The following KLHL5 variants were observed in gnomAD, a reference collection of about 807,000 sequenced individuals.
The protein encoded by KLHL5 is kelch like family member 5, also known as kelch-like protein 5.
A neutral mutation model predicts 77.7 loss-of-function variants in KLHL5; 48 were observed. The ratio of observed to expected loss-of-function variants is 0.62; its 90% confidence interval spans 0.49 to 0.79. KLHL5 has a LOEUF of 0.79. Ranked by LOEUF, KLHL5 falls within the 30% of genes least tolerant of loss-of-function variation. The probability of loss-of-function intolerance (pLI) is 0.00; values close to 1 mark genes in which losing one functional copy is unlikely to be tolerated. For synonymous variants in KLHL5, 260 were observed against 297.0 expected (o/e 0.88, Z 1.28); for missense variants, 723 against 859.7 (o/e 0.84, Z 1.99).
intron 1 of KLHL5, among the ~76,000 whole-genome samples, chr4:39,049,713 A>AAAATAAAT (rs112120175): frequency 3.3e-4 from 6 of 18,120 alleles, no homozygotes; most frequent in African/African-American, 5.7e-4. Flanking sequence ...AAATAAATAA[A>AAAATAAAT]AAATAAATAA....
Position 39,096,771 on chromosome 4 carries a change from A to G in KLHL5, c.1193A>G (p.Tyr398Cys). The change falls in exon 6 of 11, where the codon TAC becomes TGC. Residue 398 changes from tyrosine to cysteine, a missense_variant. Physicochemically the swap from Tyr to Cys is radical, Grantham distance 194. Transcript: ENST00000504108. ...AAACTCATTATGGAAGCAATGAAGT[A>G]CCATTTATTACCAGAGAGACGACCC... is the stretch of plus-strand genomic sequence containing the variant. ...CQKLIMEAMK[Y>C]HLLPERRPML... 6.2e-7 allele frequency: 1 copy of G among 1,612,616 alleles called. No homozygotes were observed. The highest frequency in any genetic ancestry group is 8.5e-7 in the Non-Finnish European group (1 of 1,178,608).
intron 1 of KLHL5, among the ~76,000 whole-genome samples, chr4:39,046,069 A>T (rs533046275): frequency 6.6e-6 from 1 of 151,102 alleles, no homozygotes; most frequent in African/African-American, 2.4e-5. Flanking sequence ...CAGCATTTAC[A>T]GATTTGACTG....
intron 6 of KLHL5, among the ~76,000 whole-genome samples, chr4:39,099,789 A>G (rs2109492455): frequency 6.6e-6 from 1 of 152,358 alleles, no homozygotes; most frequent in Middle Eastern, 3.4e-3. Context: ...AGTTTTAGAT[A>G]TAGGCCTGAT....
At chr4:39,065,016 T>C (rs1036010368) in intron 1 of KLHL5, among the ~76,000 whole-genome samples, 2 of 152,186 alleles carry the variant, frequency 1.3e-5, no homozygotes, top group African/African-American at 2.4e-5. Flanking sequence ...AAAATGTTTT[T>C]GATTTTTAGA....
chr4:39,076,912 G>C (rs1719107445), intron 2 of KLHL5, among the ~76,000 whole-genome samples: 1 of 151,622 alleles, frequency 6.6e-6, no homozygotes, highest in Admixed American at 6.6e-5. Context: ...CAAAAACAAA[G>C]ATAAATAGAT....
intron 2 of KLHL5, among the ~76,000 whole-genome samples, chr4:39,077,135 A>C (rs1719133420): frequency 6.6e-6 from 1 of 151,952 alleles, no homozygotes; most frequent in African/African-American, 2.4e-5. Context: ...AGTTCTCAAA[A>C]GAAGATCTAC....
chr4:39,141,864 C>T, the KLHL5 span, among the ~76,000 whole-genome samples: 423 of 152,294 alleles, frequency 2.8e-3, 1 homozygote, highest in Non-Finnish European at 4.2e-3. Flanking sequence ...AGGTGTTGTG[C>T]TACTGAATCA....
chr4:39,056,942 G>A (rs544050182), intron 1 of KLHL5, among the ~76,000 whole-genome samples: 70 of 152,274 alleles, frequency 4.6e-4, no homozygotes, highest in African/African-American at 1.6e-3. Flanking sequence ...AGTCAAGTTT[G>A]AGCTGTGCCT....
chr4:39,130,082 G>A (rs886573607), downstream of KLHL5, among the ~76,000 whole-genome samples: 7 of 152,186 alleles, frequency 4.6e-5, no homozygotes, highest in East Asian at 1.9e-4. Context: ...ATCCAGCGGC[G>A]CTAGAGGAAT....
At chr4:39,060,585 G>C (rs1023991636), upstream of KLHL5, among the ~76,000 whole-genome samples, 1 of 152,194 alleles carries the variant, frequency 6.6e-6, no homozygotes, top group Admixed American at 6.6e-5. Context: ...AGGATGAAGT[G>C]TGTTTTTTAA....
At chr4:39,049,454 G>C (rs1716459927) in intron 1 of KLHL5, among the ~76,000 whole-genome samples, 1 of 152,184 alleles carries the variant, frequency 6.6e-6, no homozygotes, top group African/African-American at 2.4e-5. Flanking sequence ...GGGAGGCCAA[G>C]GTGGGAGGAT....
intron 1 of KLHL5, among the ~76,000 whole-genome samples, chr4:39,067,134 C>T (rs1324908626): frequency 6.6e-6 from 1 of 152,000 alleles, no homozygotes; most frequent in Non-Finnish European, 1.5e-5. Context: ...TTTTTCTGTT[C>T]GAGGATCCTA....
upstream of KLHL5, among the ~76,000 whole-genome samples, chr4:39,057,802 T>G (rs1232851409): frequency 2.0e-5 from 3 of 152,166 alleles, no homozygotes; most frequent in African/African-American, 7.2e-5. Flanking sequence ...GAGCCATAAA[T>G]ACTGTTATCT....
At chr4:39,128,861 G>A (rs537237008), downstream of KLHL5, among the ~76,000 whole-genome samples, 108 of 152,146 alleles carry the variant, frequency 7.1e-4, no homozygotes, top group Non-Finnish European at 1.2e-4. Flanking sequence ...AGCTACTCAG[G>A]AGGCAGAGAC....
At chr4:39,109,219 C>T (rs1722266414) in intron 8 of KLHL5, among the ~76,000 whole-genome samples, 1 of 152,112 alleles carries the variant, frequency 6.6e-6, no homozygotes. Context: ...CAAATCATTT[C>T]TCTGTGCCTC....
At chr4:39,093,484 G>C in intron 5 of KLHL5, 1 of 453,588 alleles carries the variant, frequency 2.2e-6, no homozygotes, top group Non-Finnish European at 4.4e-6. Flanking sequence ...GGATAAATTA[G>C]GACACGTAAA....
At chr4:39,108,696 G>A (rs1004890777) in intron 8 of KLHL5, among the ~76,000 whole-genome samples, 1 of 151,894 alleles carries the variant, frequency 6.6e-6, no homozygotes, top group Non-Finnish European at 1.5e-5. Context: ...TTCATCACTA[G>A]GTATCTTTCT....
Position 39,124,954 on chromosome 4 carries a change from G to A in KLHL5, c.*3888G>A, listed in dbSNP as rs1723444554. On this transcript the variant is annotated 3_prime_UTR_variant, in exon 11 of 11. Coordinates refer to ENST00000504108, the MANE Select transcript of KLHL5 (RefSeq NM_015990.5). ...GGAACTAATACCTAGAATATATAAG[G>A]AACTCCGATGCTCGACAACAAAAAG... 6.6e-6 allele frequency among the ~76,000 whole-genome samples: 1 copy of A among 151,852 alleles called. No homozygotes were observed. The highest frequency in any genetic ancestry group is 2.4e-5 in the African/African-American group (1 of 41,332).
At position 39,126,215 on chromosome 4, in the gene KLHL5, A is replaced by T. The variant is rs1371813262; in HGVS notation, c.*5149A>T. Among the ~76,000 whole-genome samples, 1 of 152,222 alleles carries T rather than the reference A, an allele frequency of 6.6e-6. No homozygotes were observed. Among genetic ancestry groups the T allele is most frequent in the African/African-American group, 2.4e-5 (1 of 41,446 alleles). On this transcript the variant is annotated 3_prime_UTR_variant, in exon 11 of 11. Transcript: ENST00000504108. Reference sequence around the variant, plus strand: ...ACAAAAACAAATATTCAATAAAATGATATTTAATTTCACTGTGACTAGATA... The same window carrying T: ...ACAAAAACAAATATTCAATAAAATGTTATTTAATTTCACTGTGACTAGATA...
Sources: gnomAD v4.1 joint callset for allele counts (sites outside exome capture counted in the v4.1 genomes callset) on GRCh38, gnomAD v4.1.1 for gene constraint, MANE v1.5 for transcripts, NCBI Gene and HGNC (gene_info 2026-07-23, HGNC 2026-07-21) for gene names.